The following AP4E1 variants were observed in gnomAD, a reference collection of about 807,000 sequenced individuals.
The protein encoded by AP4E1 is AP-4 complex subunit epsilon-1.
AP4E1 carries 56 observed loss-of-function variants against 128.2 expected under a neutral mutation model. The ratio of observed to expected loss-of-function variants is 0.44; its 90% confidence interval spans 0.35 to 0.55. The LOEUF (loss-of-function observed/expected upper bound fraction) is 0.55, where lower values mean the gene tolerates loss of function less well. Ranked by LOEUF, AP4E1 falls within the 20% of genes least tolerant of loss-of-function variation. AP4E1 has a pLI of 0.00. For missense variants in AP4E1, 1,324 were observed against 1,307.7 expected (o/e 1.01, Z -0.19); for synonymous variants, 484 against 473.1 (o/e 1.02, Z -0.30).
intron 14 of AP4E1, among the ~76,000 whole-genome samples, chr15:50,962,921 A>G (rs561462506): frequency 7.1e-6 from 1 of 141,282 alleles, no homozygotes; most frequent in South Asian, 2.3e-4. Context: ...AAAAAATCCC[A>G]TTTAAAGGTG....
chr15:50,985,613 A>G (rs1470949597), intron 16 of AP4E1, among the ~76,000 whole-genome samples: 2 of 152,048 alleles, frequency 1.3e-5, no homozygotes, highest in Non-Finnish European at 2.9e-5. Context: ...CAAAGATCAG[A>G]TGGTTGTAGA....
At chr15:50,948,955 A>G (rs1467464920) in intron 11 of AP4E1, among the ~76,000 whole-genome samples, 3 of 150,790 alleles carry the variant, frequency 2.0e-5, no homozygotes, top group Non-Finnish European at 3.0e-5. Context: ...CTGGGCAACA[A>G]GAGCGAAACT....
chr15:50,997,896 G>T lies in AP4E1; in HGVS notation c.2904+13G>T, dbSNP rs772092066. 6.3e-7 allele frequency: 1 copy of T among 1,575,388 alleles called. No individual in the cohort carries two copies. Among genetic ancestry groups the T allele is most frequent in the Non-Finnish European group, 8.6e-7 (1 of 1,156,100 alleles). On this transcript the variant is annotated intron_variant, in intron 18 of 20. Transcript: ENST00000261842. ...AGAAAATTTCAAGGTAAAATTTAAA[G>T]GTATTATTGTTTTATTTTCAGTGTA...
intron 4 of AP4E1, 130 bp from the exon 5 acceptor site, chr15:50,924,968 A>C (rs2063751611): frequency 1.4e-5 from 15 of 1,090,180 alleles, no homozygotes; most frequent in Middle Eastern, 2.8e-4. Context: ...ATATGCCATA[A>C]GTTTGGATGT....
At chr15:50,978,230 A>T (rs2140907622) in intron 15 of AP4E1, among the ~76,000 whole-genome samples, 1 of 152,306 alleles carries the variant, frequency 6.6e-6, no homozygotes, top group Non-Finnish European at 1.5e-5. Flanking sequence ...TCTGTGGATT[A>T]TTCTATTAAA....
At chr15:50,915,193 C>T (rs1335702155) in intron 2 of AP4E1, among the ~76,000 whole-genome samples, 1 of 152,040 alleles carries the variant, frequency 6.6e-6, no homozygotes, top group African/African-American at 2.4e-5. Flanking sequence ...ATAGAAACAG[C>T]TACAGTTGAT....
chr15:50,923,450 A>C (rs1356572850), intron 3 of AP4E1, among the ~76,000 whole-genome samples: 1 of 152,200 alleles, frequency 6.6e-6, no homozygotes, highest in Admixed American at 6.5e-5. Context: ...TATTTAATAT[A>C]TGATTTACAT....
In AP4E1 at chr15:50,958,618, A is replaced by C. The variant is rs1176175925; in HGVS notation, c.1675A>C (p.Thr559Pro). Residue 559 changes from threonine (T) to proline (P), a missense_variant, in exon 14 of 21, where the codon ACC becomes CCC. Thr to Pro is a conservative substitution (Grantham distance 38, BLOSUM62 -1). Coordinates refer to ENST00000261842, the MANE Select transcript of AP4E1 (RefSeq NM_007347.5). ...ETKAWLIAAV[T>P]KLTSQAHSSN... ...AAAAGCCTGGTTAATTGCTGCTGTG[A>C]CCAAATTGACATCTCAGGCGCACTC... The C allele has an allele frequency of 3.1e-6, 5 of 1,614,172 alleles. No individual in the cohort carries two copies. Among genetic ancestry groups the C allele is most frequent in the Non-Finnish European group, 4.2e-6 (5 of 1,180,002 alleles).
intron 5 of AP4E1, among the ~76,000 whole-genome samples, chr15:50,928,767 C>T (rs2063797057): frequency 6.8e-6 from 1 of 148,138 alleles, no homozygotes; most frequent in Non-Finnish European, 1.5e-5. Flanking sequence ...AAAAAAAATT[C>T]CCTAACTAGA....
intron 10 of AP4E1, among the ~76,000 whole-genome samples, chr15:50,942,970 C>T (rs1014140340): frequency 5.3e-5 from 8 of 151,964 alleles, no homozygotes; most frequent in Non-Finnish European, 7.4e-5. Flanking sequence ...GAGATTTGGG[C>T]GTCTATTGAA....
At chr15:50,981,197 C>T (rs1009792362) in intron 15 of AP4E1, among the ~76,000 whole-genome samples, 2 of 152,104 alleles carry the variant, frequency 1.3e-5, no homozygotes, top group African/African-American at 4.8e-5. Flanking sequence ...GGACTGAGCC[C>T]CAAAGCCATA....
At chr15:50,930,722 C>A in intron 6 of AP4E1, 83 bp from the exon 7 acceptor site, 1 of 1,313,000 alleles carries the variant, frequency 7.6e-7, no homozygotes, top group Non-Finnish European at 1.1e-6. Flanking sequence ...TGTATTAAGT[C>A]AGGTTCTATA....
At chr15:50,980,313 T>A (rs957088867) in intron 15 of AP4E1, among the ~76,000 whole-genome samples, 1 of 152,192 alleles carries the variant, frequency 6.6e-6, no homozygotes, top group Non-Finnish European at 1.5e-5. Context: ...GAGGGCTTTA[T>A]GGAAGACAGA....
At chr15:50,929,845 A>G (rs1340531733) in intron 6 of AP4E1, among the ~76,000 whole-genome samples, 1 of 152,148 alleles carries the variant, frequency 6.6e-6, no homozygotes, top group Admixed American at 6.5e-5. Context: ...CTTAACATTT[A>G]CTAAAATTTG....
intron 19 of AP4E1, among the ~76,000 whole-genome samples, chr15:51,000,464 A>C (rs1272407189): frequency 6.6e-6 from 1 of 152,152 alleles, no homozygotes; most frequent in African/African-American, 2.4e-5. Context: ...AAAGTCTTTT[A>C]GTAATAACAT....
At chr15:50,913,974 C>A (rs193039994) in intron 2 of AP4E1, among the ~76,000 whole-genome samples, 1 of 152,128 alleles carries the variant, frequency 6.6e-6, no homozygotes, top group African/African-American at 2.4e-5. Context: ...CAGGTCCCCA[C>A]GCCTGGCTAA....
rs1480622457 is a variant in AP4E1, at chr15:50,944,849, TGGTCACCAAGATGGA to T, written c.1176+3076_1176+3090del. The T allele has an allele frequency of 6.6e-6, 5 of 761,060 alleles. No individual in the cohort carries two copies. In the African/African-American group the frequency reaches 8.7e-5, roughly 13 times the overall value. 47.1% of individuals were successfully genotyped at this position (761,060 alleles called of 1,614,324 possible). ...CAAAACCATTCCTTGCTTTGCTGGA[TGGTCACCAAGATGGA>T]GTCAGTTGCTTGGCAAAGCATCCAA... On this transcript the variant is annotated intron_variant, in intron 10 of 20. Coordinates refer to ENST00000261842, the MANE Select transcript of AP4E1 (RefSeq NM_007347.5).
At chr15:50,928,980 C>T (rs552658868) in intron 5 of AP4E1, 29 bp from the exon 6 acceptor site, 1 of 1,610,902 alleles carries the variant, frequency 6.2e-7, no homozygotes, top group East Asian at 2.2e-5. Flanking sequence ...TTCAGATTGT[C>T]TTGTTTAAAT....
rs752260937 is a variant in AP4E1 at position 50,934,498 on chromosome 15, T to G, written c.870-126T>G. On this transcript the variant is annotated intron_variant, in intron 7 of 20. Coordinates refer to ENST00000261842, the MANE Select transcript of AP4E1 (RefSeq NM_007347.5). ...TTTAAGAAGTGAAATTTCCATAACT[T>G]CATCATAAAATGAATTTCTTTCACT... is the stretch of plus-strand genomic sequence containing the variant. The G allele has an allele frequency of 1.6e-5, 11 of 667,810 alleles. No individual in the cohort carries two copies. In the East Asian group the frequency reaches 2.9e-4, roughly 18 times the overall value. The allele number at this position is 667,810 out of a possible 1,614,324, so 41.4% of individuals were successfully genotyped here.
Sources: allele counts gnomAD v4.1 joint callset (sites outside exome capture counted in the v4.1 genomes callset), GRCh38; gene constraint gnomAD v4.1.1; transcripts MANE v1.5; gene names NCBI Gene and HGNC (gene_info 2026-07-23, HGNC 2026-07-21).